Variants in MARCHF1 observed in about 807,000 individuals in gnomAD.
The protein encoded by MARCHF1 is E3 ubiquitin-protein ligase MARCHF1.
In MARCHF1, 40 loss-of-function variants were observed where a neutral mutation model predicts 54.2. The observed-to-expected ratio is 0.74, with a 90% CI of 0.57 to 0.96. The LOEUF is 0.96. Ranked by LOEUF, MARCHF1 falls within the 40% of genes least tolerant of loss-of-function variation. The pLI, the probability that MARCHF1 is intolerant of heterozygous loss-of-function variation, is 0.00. For missense variants in MARCHF1, 586 were observed against 656.5 expected, an observed-to-expected ratio of 0.89 and a Z score of 1.17; for synonymous variants, 236 against 236.3, an observed-to-expected ratio of 1.00 and a Z score of 0.01.
rs143618709 is a variant in MARCHF1 at position 163,710,963 on chromosome 4, T to C, written c.112-10100A>G. ...TATAAAGGATGGTATATGGGCAGGT[T>C]TATTTTTTCCCGAAATTCTGTTTTA... On this transcript the variant is annotated intron_variant, in intron 4 of 9. Coordinates refer to ENST00000514618, the MANE Select transcript of MARCHF1 (RefSeq NM_001394959.1). Among the ~76,000 whole-genome samples, 77 of 152,222 alleles carry C rather than the reference T, an allele frequency of 5.1e-4. 1 individual carries two copies. In the East Asian group the frequency reaches 0.014, roughly 28 times the overall value.
intron 8 of MARCHF1, among the ~76,000 whole-genome samples, chr4:163,551,297 C>T (rs2036903): frequency 0.73 from 111,442 of 152,144 alleles, 41,110 homozygotes; most frequent in East Asian, 0.9. Flanking sequence ...TCTAATTATA[C>T]TAGTAACAAT....
intron 4 of MARCHF1, among the ~76,000 whole-genome samples, chr4:163,767,778 A>G (rs1747032022): frequency 6.6e-6 from 1 of 152,060 alleles, no homozygotes; most frequent in Non-Finnish European, 1.5e-5. Flanking sequence ...TACTTCTTTT[A>G]TTGCATTTTG....
chr4:164,056,568 C>T (rs557497065), intron 2 of MARCHF1, among the ~76,000 whole-genome samples: 22 of 152,162 alleles, frequency 1.4e-4, no homozygotes, highest in Admixed American at 8.5e-4. Flanking sequence ...GAAGTCCATC[C>T]TAAAAATGTT....
intron 1 of MARCHF1, among the ~76,000 whole-genome samples, chr4:164,314,116 G>A (rs1734937329): frequency 1.3e-5 from 2 of 152,164 alleles, no homozygotes; most frequent in Non-Finnish European, 2.9e-5. Context: ...TGCCCATTCA[G>A]CATGTTCTGC....
chr4:163,721,977 C>T (rs925379907), intron 4 of MARCHF1, among the ~76,000 whole-genome samples: 3 of 152,050 alleles, frequency 2.0e-5, no homozygotes, highest in East Asian at 3.9e-4. Context: ...TTTCAAAAAA[C>T]CAGTTCCTGG....
chr4:163,865,571 T>C (rs574037024), intron 3 of MARCHF1, among the ~76,000 whole-genome samples: 1 of 152,002 alleles, frequency 6.6e-6, no homozygotes, highest in East Asian at 1.9e-4. Context: ...ATTTCTGTCA[T>C]ACTCTTTGAG....
chr4:164,061,761 C>A (rs1281603804), intron 2 of MARCHF1, among the ~76,000 whole-genome samples: 1 of 151,978 alleles, frequency 6.6e-6, no homozygotes, highest in Non-Finnish European at 1.5e-5. Context: ...AATGTACATA[C>A]TTTAAAAACA....
chr4:163,569,895 A>T (rs1739784817), intron 8 of MARCHF1, among the ~76,000 whole-genome samples: 1 of 152,192 alleles, frequency 6.6e-6, no homozygotes, highest in Non-Finnish European at 1.5e-5. Context: ...CGCCTGGAGC[A>T]ATTAGTACAA....
chr4:163,531,284 C>A (rs1346226167), intron 9 of MARCHF1, among the ~76,000 whole-genome samples: 1 of 151,858 alleles, frequency 6.6e-6, no homozygotes, highest in Non-Finnish European at 1.5e-5. Context: ...TTACACACTA[C>A]AGCCAATAGA....
intron 5 of MARCHF1, among the ~76,000 whole-genome samples, chr4:163,659,954 G>A (rs1291657519): frequency 2.0e-5 from 3 of 152,218 alleles, no homozygotes; most frequent in Non-Finnish European, 4.4e-5. Flanking sequence ...CACTGTTAGT[G>A]GGACTGTAAA....
chr4:164,265,323 T>C (rs1733582334), intron 1 of MARCHF1, among the ~76,000 whole-genome samples: 1 of 152,086 alleles, frequency 6.6e-6, no homozygotes, highest in South Asian at 2.1e-4. Context: ...GCAGTGTAAA[T>C]AAAAATAATT....
intron 1 of MARCHF1, among the ~76,000 whole-genome samples, chr4:164,130,527 T>C (rs1469242567): frequency 6.6e-6 from 1 of 152,156 alleles, no homozygotes; most frequent in Non-Finnish European, 1.5e-5. Flanking sequence ...TGTGTATAGA[T>C]GACACTCGCA....
intron 5 of MARCHF1, among the ~76,000 whole-genome samples, chr4:163,638,255 T>TA (rs77300323): frequency 4.3e-4 from 60 of 139,590 alleles, no homozygotes; most frequent in Middle Eastern, 7.1e-3. Context: ...AAAAAAAAAT[T>TA]AAAAAAAAAA....
At chr4:163,726,549 G>C (rs1745658540) in intron 4 of MARCHF1, among the ~76,000 whole-genome samples, 1 of 152,080 alleles carries the variant, frequency 6.6e-6, no homozygotes, top group Non-Finnish European at 1.5e-5. Flanking sequence ...TGGCAGTTAT[G>C]AACAAAGCTG....
At chr4:163,553,062 C>T (rs527503233) in intron 8 of MARCHF1, among the ~76,000 whole-genome samples, 35 of 147,368 alleles carry the variant, frequency 2.4e-4, no homozygotes, top group Middle Eastern at 3.5e-3. Context: ...GAAGAATGAG[C>T]GCTCTGGGTT....
intron 1 of MARCHF1, among the ~76,000 whole-genome samples, chr4:164,124,054 G>GA (rs1211177654): frequency 1.1e-4 from 16 of 151,598 alleles, no homozygotes; most frequent in Admixed American, 1.1e-3. Flanking sequence ...AACTCTACAG[G>GA]AAAAAAATTG....
intron 5 of MARCHF1, among the ~76,000 whole-genome samples, chr4:163,648,830 A>G (rs2111062114): frequency 6.6e-6 from 1 of 152,094 alleles, no homozygotes; most frequent in South Asian, 2.1e-4. Context: ...AAACTGAAAC[A>G]TGCAAACGCA....
intron 1 of MARCHF1, among the ~76,000 whole-genome samples, chr4:164,307,905 T>C (rs1734738754): frequency 6.6e-6 from 1 of 152,198 alleles, no homozygotes; most frequent in Non-Finnish European, 1.5e-5. Context: ...TGTTTAAGTG[T>C]TCAAAACTGT....
intron 2 of MARCHF1, among the ~76,000 whole-genome samples, chr4:164,024,192 G>A (rs900627831): frequency 6.6e-6 from 1 of 152,044 alleles, no homozygotes; most frequent in Non-Finnish European, 1.5e-5. Context: ...AAATTTTTCT[G>A]TTCTCACTAC....
Sources: gnomAD v4.1 joint callset for allele counts (sites outside exome capture counted in the v4.1 genomes callset) on GRCh38, gnomAD v4.1.1 for gene constraint, MANE v1.5 for transcripts, NCBI Gene and HGNC (gene_info 2026-07-23, HGNC 2026-07-21) for gene names.